The following SLC16A12 variants were observed in gnomAD, a reference collection of about 807,000 sequenced individuals.
SLC16A12 encodes monocarboxylate transporter 12.
In SLC16A12, 17 loss-of-function variants were observed where a neutral mutation model predicts 42.4. That is an observed-to-expected ratio of 0.40 (90% CI 0.27 to 0.60). The LOEUF (loss-of-function observed/expected upper bound fraction) is 0.60. Among genes scored for constraint, SLC16A12 ranks in the 20% least tolerant of loss-of-function variants. SLC16A12 has a pLI of 0.42. For missense variants in SLC16A12, 544 were observed against 623.0 expected, an observed-to-expected ratio of 0.87 and a Z score of 1.35; for synonymous variants, 224 against 229.4, an observed-to-expected ratio of 0.98 and a Z score of 0.21.
At chr10:89,489,700 A>G (rs1415399792) in intron 2 of SLC16A12, among the ~76,000 whole-genome samples, 1 of 152,204 alleles carries the variant, frequency 6.6e-6, no homozygotes, top group Non-Finnish European at 1.5e-5. Flanking sequence ...CTTGACCTTA[A>G]AAACCTAAGG....
chr10:89,525,729 G>A (rs560667010), intron 2 of SLC16A12, among the ~76,000 whole-genome samples: 21 of 152,140 alleles, frequency 1.4e-4, no homozygotes, highest in Non-Finnish European at 2.5e-4. Context: ...CCAAAGAGCC[G>A]GCTGGCATTG....
intron 2 of SLC16A12, among the ~76,000 whole-genome samples, chr10:89,470,708 A>C (rs142239135): frequency 1.3e-5 from 2 of 152,396 alleles, no homozygotes; most frequent in African/African-American, 4.8e-5. Flanking sequence ...TATGGAGAAT[A>C]CAAACCATAA....
chr10:89,492,171 G>T lies in SLC16A12; in HGVS notation c.-46-29547C>A, dbSNP rs181288695. Among the ~76,000 whole-genome samples the T allele has an allele frequency of 7.9e-5, 12 of 152,214 alleles. No homozygotes were observed. In the East Asian group the frequency reaches 2.1e-3, roughly 27 times the overall value. On this transcript the variant is annotated intron_variant, in intron 2 of 7. Transcript: ENST00000371790. ...TCATTTGTTTTACAAACAAACAAAA[G>T]ATCAATTTCAATATTTTAAAGCTGT...
chr10:89,434,678 C>T (rs773617991), intron 7 of SLC16A12, among the ~76,000 whole-genome samples: 1 of 152,186 alleles, frequency 6.6e-6, no homozygotes, highest in African/African-American at 2.4e-5. Context: ...CAAAAAAATT[C>T]CTGCCTTCTT....
At chr10:89,447,173 C>T (rs2133705595) in intron 3 of SLC16A12, among the ~76,000 whole-genome samples, 1 of 152,220 alleles carries the variant, frequency 6.6e-6, no homozygotes, top group Admixed American at 6.5e-5. Context: ...GACTAACGCC[C>T]CACTGTCAAT....
chr10:89,433,628 T>C (rs915597477), intron 7 of SLC16A12, among the ~76,000 whole-genome samples: 1 of 152,190 alleles, frequency 6.6e-6, no homozygotes, highest in Non-Finnish European at 1.5e-5. Context: ...GGTAAAAAGA[T>C]AAAAATAGCA....
chr10:89,496,173 C>T (rs1842919430), intron 2 of SLC16A12, among the ~76,000 whole-genome samples: 1 of 151,586 alleles, frequency 6.6e-6, no homozygotes, highest in African/African-American at 2.4e-5. Flanking sequence ...GAAACATGGA[C>T]AATTCAGGGC....
rs565329333 is a variant in SLC16A12, at chr10:89,487,684, C to T, written c.-46-25060G>A. On this transcript the variant is annotated intron_variant, in intron 2 of 7. Coordinates refer to ENST00000371790, the MANE Select transcript of SLC16A12 (RefSeq NM_213606.4). The stretch of plus-strand genomic sequence containing the variant: ...AAAATTAGCTGGGCGTGGTGGTGCG[C>T]GCCTGTAGCCCCAGCTGCTCAGGAG... 6.0e-5 allele frequency among the ~76,000 whole-genome samples: 9 copies of T among 150,154 alleles called. No individual in the cohort carries two copies. The South Asian group carries it at 6.4e-4, about 11-fold the overall frequency.
rs913238231 is a variant in SLC16A12 at position 89,471,932 on chromosome 10, G to C, written c.-46-9308C>G. 5.3e-4 allele frequency among the ~76,000 whole-genome samples: 81 copies of C among 151,880 alleles called. 2 individuals are homozygous for C. The highest frequency in any genetic ancestry group is 1.5e-5 in the Non-Finnish European group (1 of 67,972). On this transcript the variant is annotated intron_variant, in intron 2 of 7. Coordinates refer to ENST00000371790, the MANE Select transcript of SLC16A12 (RefSeq NM_213606.4). ...AACAATTCATATATCTTTTTTGTGA[G>C]GTGTCTATTCAAGTATTATGCCTAT...
chr10:89,439,209 T>A (rs775866304), intron 5 of SLC16A12, 26 bp from the exon 6 acceptor site: 1 of 1,600,478 alleles, frequency 6.2e-7, no homozygotes, highest in Non-Finnish European at 8.6e-7. Context: ...ACTCTATGAG[T>A]GCTGAAGTAC....
chr10:89,486,077 C>G (rs990384964), intron 2 of SLC16A12, among the ~76,000 whole-genome samples: 9 of 152,088 alleles, frequency 5.9e-5, no homozygotes, highest in African/African-American at 2.2e-4. Flanking sequence ...AAAGAAGAGG[C>G]AGAAATCCCT....
intron 2 of SLC16A12, among the ~76,000 whole-genome samples, chr10:89,551,926 CTATT>C (rs1175962150): frequency 6.6e-6 from 1 of 152,162 alleles, no homozygotes; most frequent in African/African-American, 2.4e-5. Flanking sequence ...GAAGAGAGAT[CTATT>C]TATTTATTTA....
At chr10:89,438,447 C>T (rs184428592) in intron 6 of SLC16A12, among the ~76,000 whole-genome samples, 157 bp downstream of exon 6, 111 of 152,288 alleles carry the variant, frequency 7.3e-4, no homozygotes, top group African/African-American at 2.6e-3. Flanking sequence ...TTTTGCCAAC[C>T]TCTGATCTAG....
intron 2 of SLC16A12, among the ~76,000 whole-genome samples, chr10:89,489,650 A>AT (rs1842817791): frequency 6.6e-6 from 1 of 152,148 alleles, no homozygotes; most frequent in African/African-American, 2.4e-5. Flanking sequence ...CCTTAAAGTA[A>AT]TTTTTTAAAT....
intron 2 of SLC16A12, among the ~76,000 whole-genome samples, chr10:89,466,970 T>C (rs1842412057): frequency 6.6e-6 from 1 of 152,156 alleles, no homozygotes; most frequent in Admixed American, 6.5e-5. Context: ...AGAACCGGCA[T>C]TCAAGAGTCT....
At chr10:89,454,368 C>G (rs1332774520) in intron 3 of SLC16A12, among the ~76,000 whole-genome samples, 1 of 152,120 alleles carries the variant, frequency 6.6e-6, no homozygotes, top group Non-Finnish European at 1.5e-5. Context: ...ATCATTCACA[C>G]CAGCACCTTT....
chr10:89,492,027 T>C (rs891653620), intron 2 of SLC16A12, among the ~76,000 whole-genome samples: 2 of 152,152 alleles, frequency 1.3e-5, no homozygotes, highest in Non-Finnish European at 2.9e-5. Flanking sequence ...AAAGTTTAGA[T>C]CAATTCATGG....
upstream of SLC16A12, among the ~76,000 whole-genome samples, chr10:89,537,783 G>A (rs7913274): frequency 7.8e-3 from 1,185 of 152,320 alleles, 16 homozygotes; most frequent in African/African-American, 0.027. Flanking sequence ...CACCGCACAA[G>A]GCTTCCTTTC....
chr10:89,447,213 A>T (rs1842018745), intron 3 of SLC16A12, among the ~76,000 whole-genome samples: 1 of 152,222 alleles, frequency 6.6e-6, no homozygotes, highest in African/African-American at 2.4e-5. Flanking sequence ...CAGAAGGTTA[A>T]CAAGGATATC....
Sources: gnomAD v4.1 joint callset for allele counts (sites outside exome capture counted in the v4.1 genomes callset) on GRCh38, gnomAD v4.1.1 for gene constraint, MANE v1.5 for transcripts, NCBI Gene and HGNC (gene_info 2026-07-23, HGNC 2026-07-21) for gene names.